PDE4D: variants seen among roughly 807,000 people sequenced by gnomAD.
The protein encoded by PDE4D is 3',5'-cyclic-AMP phosphodiesterase 4D.
A neutral mutation model predicts 87.4 loss-of-function variants in PDE4D; 24 were observed. That is an observed-to-expected ratio of 0.27 (90% CI 0.20 to 0.39). The LOEUF (loss-of-function observed/expected upper bound fraction) is 0.39, where lower values mean the gene tolerates loss of function less well. Ranked by LOEUF, PDE4D falls within the 10% of genes least tolerant of loss-of-function variation. The pLI is 1.00. For missense variants in PDE4D, 714 were observed against 1,041.0 expected, an observed-to-expected ratio of 0.69 and a Z score of 4.32; for synonymous variants, 384 against 383.2, an observed-to-expected ratio of 1.00 and a Z score of -0.02.
At position 60,051,557 on chromosome 5, in the gene PDE4D, T is replaced by A. The variant is rs192463774; in HGVS notation, c.43-62840A>T. 2.0e-3 allele frequency among the ~76,000 whole-genome samples: 305 copies of A among 152,326 alleles called. 2 individuals carry two copies. The highest frequency in any genetic ancestry group is 3.0e-3 in the Non-Finnish European group (205 of 68,026). Reference sequence around the variant, plus strand: ...AAAGTACTGTTTACAGGGAAATTTATAGGACCAAATGCCCACAGGAGAAAG... The same window carrying A: ...AAAGTACTGTTTACAGGGAAATTTAAAGGACCAAATGCCCACAGGAGAAAG... On this transcript the variant is annotated intron_variant, in intron 2 of 16. Coordinates refer to the PDE4D transcript ENST00000502484.
chr5:59,994,335 T>C (rs1763315742), intron 2 of PDE4D, among the ~76,000 whole-genome samples: 1 of 151,630 alleles, frequency 6.6e-6, no homozygotes, highest in Non-Finnish European at 1.5e-5. Flanking sequence ...ATACAGTATA[T>C]GTATACACAC....
chr5:60,330,705 G>T (rs192269847), intron 1 of PDE4D, among the ~76,000 whole-genome samples: 190 of 152,304 alleles, frequency 1.2e-3, no homozygotes, highest in Non-Finnish European at 1.9e-3. Context: ...TTTTAAGTAA[G>T]AAAAGAAAAA....
intron 1 of PDE4D, chr5:60,521,238 A>T (rs561547103): frequency 2.6e-5 from 4 of 152,360 alleles, no homozygotes; most frequent in African/African-American, 9.6e-5. Context: ...TTCTCCTTGC[A>T]TATAGTAAAT....
chr5:60,037,941 G>T (rs574061742), intron 2 of PDE4D, among the ~76,000 whole-genome samples: 1 of 152,194 alleles, frequency 6.6e-6, no homozygotes, highest in African/African-American at 2.4e-5. Context: ...TATTGTCTAA[G>T]TGACATATTT....
At chr5:59,935,666 G>T (rs1320538409) in intron 3 of PDE4D, among the ~76,000 whole-genome samples, 1 of 152,148 alleles carries the variant, frequency 6.6e-6, no homozygotes, top group Non-Finnish European at 1.5e-5. Flanking sequence ...AGTCACTATT[G>T]CTAAAACCAA....
At chr5:60,493,637 A>G (rs1018471694) in intron 1 of PDE4D, among the ~76,000 whole-genome samples, 17 of 151,996 alleles carry the variant, frequency 1.1e-4, no homozygotes, top group Admixed American at 4.6e-4. Flanking sequence ...CTACTCATGC[A>G]TGATCTTTGT....
intron 1 of PDE4D, among the ~76,000 whole-genome samples, chr5:59,393,864 A>G (rs2153609864): frequency 6.6e-6 from 1 of 152,370 alleles, no homozygotes; most frequent in African/African-American, 2.4e-5. Flanking sequence ...CAAAAGTTTT[A>G]GCATTTCAGA....
In PDE4D at chr5:60,114,941, C is replaced by CATGGATGGATGGATGG. The variant is rs72415755; in HGVS notation, c.42+70600_42+70615dup. ...TATAATCACATAGATTAGATAGATA[C>CATGGATGGATGGATGG]ATGGATGGATGGATGGATGGATGGA... On this transcript the variant is annotated intron_variant, in intron 2 of 16. Coordinates refer to the PDE4D transcript ENST00000502484. 3.0e-3 allele frequency among the ~76,000 whole-genome samples: 265 copies of CATGGATGGATGGATGG among 89,202 alleles called. 2 individuals carry two copies. The highest frequency in any genetic ancestry group is 4.6e-3 in the Admixed American group (35 of 7,546). The allele number at this position is 89,202 out of a possible 152,430, so 58.5% of individuals were successfully genotyped here.
chr5:58,995,249 T>C lies in PDE4D; in HGVS notation c.922-1784A>G, dbSNP rs538518664. ...AGCTATACCAAAAAAAAGAAAATAA[T>C]GTAAATCCCCACTGCTGGAAGATAA... On this transcript the variant is annotated intron_variant, in intron 6 of 14. Transcript: ENST00000340635. Among the ~76,000 whole-genome samples the C allele has an allele frequency of 4.5e-4, 69 of 152,224 alleles. 1 individual carries two copies. Among genetic ancestry groups the C allele is most frequent in the African/African-American group, 1.6e-3 (67 of 41,540 alleles).
At chr5:59,499,980 T>C (rs913184642) in intron 1 of PDE4D, among the ~76,000 whole-genome samples, 1 of 151,974 alleles carries the variant, frequency 6.6e-6, no homozygotes, top group African/African-American at 2.4e-5. Flanking sequence ...AAACCCTACA[T>C]GCCAATATCT....
chr5:60,378,471 C>A (rs1200659956), intron 1 of PDE4D, among the ~76,000 whole-genome samples: 1 of 152,142 alleles, frequency 6.6e-6, no homozygotes, highest in African/African-American at 2.4e-5. Flanking sequence ...ATGAGTGACA[C>A]AAATTTTGCT....
At chr5:59,106,210 A>C (rs1339273930) in intron 5 of PDE4D, among the ~76,000 whole-genome samples, 3 of 152,180 alleles carry the variant, frequency 2.0e-5, no homozygotes, top group Non-Finnish European at 4.4e-5. Context: ...CTTCCTTTGG[A>C]AAGGTGTGAA....
intron 1 of PDE4D, among the ~76,000 whole-genome samples, chr5:59,639,840 TG>T (rs1741256444): frequency 6.6e-6 from 1 of 151,406 alleles, no homozygotes. Flanking sequence ...TGTGTGTGTG[TG>T]TGTGTGTGTG....
intron 3 of PDE4D, among the ~76,000 whole-genome samples, chr5:59,930,940 GA>G (rs942243655): frequency 2.0e-5 from 3 of 151,944 alleles, no homozygotes; most frequent in Non-Finnish European, 2.9e-5. Flanking sequence ...CTTCAAGCTA[GA>G]AAAAAATATT....
intron 5 of PDE4D, chr5:59,091,160 G>GT: frequency 2.2e-6 from 1 of 451,212 alleles, no homozygotes; most frequent in Non-Finnish European, 4.4e-6. Flanking sequence ...AAATCCAAGT[G>GT]TTTTTTATTA....
At chr5:59,271,565 T>C (rs1338713981) in intron 1 of PDE4D, among the ~76,000 whole-genome samples, 3 of 152,084 alleles carry the variant, frequency 2.0e-5, no homozygotes, top group African/African-American at 7.2e-5. Context: ...ACTGTGATCA[T>C]GAGGCCAAAA....
intron 3 of PDE4D, among the ~76,000 whole-genome samples, chr5:59,918,240 T>G (rs1754288377): frequency 6.6e-6 from 1 of 152,168 alleles, no homozygotes; most frequent in African/African-American, 2.4e-5. Context: ...AAAAAGTGTA[T>G]GTGTATATGT....
At chr5:59,275,225 C>T in intron 1 of PDE4D, 2 of 816,790 alleles carry the variant, frequency 2.4e-6, no homozygotes, top group East Asian at 2.5e-5. Context: ...AAAAGAGCCG[C>T]CAATACTGCC....
chr5:60,125,564 T>A (rs1301075322), intron 2 of PDE4D, among the ~76,000 whole-genome samples: 1 of 152,050 alleles, frequency 6.6e-6, no homozygotes, highest in Middle Eastern at 3.2e-3. Context: ...CCTGCAGAAA[T>A]GTCTTTGAAA....
Sources: gnomAD v4.1 joint callset for allele counts (sites outside exome capture counted in the v4.1 genomes callset) on GRCh38, gnomAD v4.1.1 for gene constraint, MANE v1.5 for transcripts, NCBI Gene and HGNC (gene_info 2026-07-23, HGNC 2026-07-21) for gene names.